The following AGBL1 variants were observed in gnomAD, a reference collection of about 807,000 sequenced individuals.
AGBL1 encodes the protein cytosolic carboxypeptidase 4.
A neutral mutation model predicts 118.9 loss-of-function variants in AGBL1; 130 were observed. That is an observed-to-expected ratio of 1.09 (90% confidence interval 0.95 to 1.26). The LOEUF is 1.26. AGBL1 is among the 50% of genes most tolerant of loss of function. The pLI is 0.00. For synonymous variants in AGBL1, 555 were observed against 478.9 expected (o/e 1.16, Z -2.08); for missense variants, 1,584 against 1,298.1 (o/e 1.22, Z -3.38).
rs930409650 is a variant in AGBL1 at position 86,365,060 on chromosome 15, C to T, written c.2375-32306C>T. On this transcript the variant is annotated intron_variant, in intron 17 of 22. Transcript: ENST00000614907. ...ATATATATACACACATATATATACA[C>T]ATATATATATACACACACACATATA... Among the ~76,000 whole-genome samples, 5 of 146,292 alleles carry T rather than the reference C, an allele frequency of 3.4e-5. 1 individual carries two copies. Among genetic ancestry groups the T allele is most frequent in the Admixed American group, 2.8e-4 (4 of 14,518 alleles).
At chr15:86,823,587 C>G (rs986475101) in intron 22 of AGBL1, among the ~76,000 whole-genome samples, 2 of 152,090 alleles carry the variant, frequency 1.3e-5, no homozygotes, top group East Asian at 3.9e-4. Flanking sequence ...CAATAATAAA[C>G]TAAAATAAAT....
intron 22 of AGBL1, among the ~76,000 whole-genome samples, chr15:86,783,524 C>A (rs919652819): frequency 6.6e-6 from 1 of 152,186 alleles, no homozygotes; most frequent in Admixed American, 6.5e-5. Context: ...TAGAGTGGTC[C>A]TGTCTCCAAG....
intron 22 of AGBL1, among the ~76,000 whole-genome samples, chr15:86,898,406 T>C (rs767030514): frequency 1.6e-4 from 24 of 152,188 alleles, no homozygotes; most frequent in Non-Finnish European, 2.1e-4. Flanking sequence ...GGGGTCCAGC[T>C]TCAATCTGCT....
intron 18 of AGBL1, among the ~76,000 whole-genome samples, chr15:86,398,216 T>A (rs933762475): frequency 6.6e-5 from 10 of 152,274 alleles, no homozygotes; most frequent in African/African-American, 2.4e-4. Context: ...CTCCTGTGCC[T>A]GGTGAGCTCT....
At chr15:86,449,409 T>C (rs939713959) in intron 18 of AGBL1, among the ~76,000 whole-genome samples, 40 of 152,216 alleles carry the variant, frequency 2.6e-4, no homozygotes, top group African/African-American at 9.4e-4. Context: ...CTTCAATTGG[T>C]AGAATGGGGT....
At chr15:86,686,335 TGAA>T (rs146647602) in intron 22 of AGBL1, among the ~76,000 whole-genome samples, 2,607 of 152,024 alleles carry the variant, frequency 0.017, 74 homozygotes, top group African/African-American at 0.059. Flanking sequence ...TGTTAGTGTG[TGAA>T]GAAATAGACA....
intron 1 of AGBL1, among the ~76,000 whole-genome samples, chr15:86,111,768 A>G (rs1480081020): frequency 6.6e-6 from 1 of 152,200 alleles, no homozygotes; most frequent in Non-Finnish European, 1.5e-5. Flanking sequence ...CCCGGGCCAC[A>G]GACTGGTAGG....
chr15:86,725,023 A>G (rs1225760661), intron 22 of AGBL1, among the ~76,000 whole-genome samples: 1 of 152,202 alleles, frequency 6.6e-6, no homozygotes, highest in Admixed American at 6.5e-5. Context: ...AAATGGCCGA[A>G]TACAGTGGTA....
At chr15:86,161,554 C>T (rs1684370448) in intron 5 of AGBL1, among the ~76,000 whole-genome samples, 1 of 152,180 alleles carries the variant, frequency 6.6e-6, no homozygotes, top group African/African-American at 2.4e-5. Context: ...CATTTTATTT[C>T]TACAACCATC....
At chr15:86,569,943 C>G (rs958146408) in intron 21 of AGBL1, among the ~76,000 whole-genome samples, 1 of 152,194 alleles carries the variant, frequency 6.6e-6, no homozygotes. Flanking sequence ...GATGGTTTAT[C>G]TCTGTAAATC....
At chr15:86,689,146 G>T (rs191371813) in intron 22 of AGBL1, among the ~76,000 whole-genome samples, 5 of 152,262 alleles carry the variant, frequency 3.3e-5, no homozygotes, top group African/African-American at 1.2e-4. Context: ...AGACGCATCA[G>T]TTCTAACTTA....
intron 17 of AGBL1, among the ~76,000 whole-genome samples, chr15:86,319,517 T>A (rs1263064254): frequency 6.6e-6 from 1 of 152,140 alleles, no homozygotes; most frequent in Non-Finnish European, 1.5e-5. Flanking sequence ...TTTGTCTTTC[T>A]CTCACATTAT....
intron 24 of AGBL1, among the ~76,000 whole-genome samples, chr15:87,014,503 T>A (rs923609368): frequency 2.6e-5 from 4 of 152,208 alleles, no homozygotes; most frequent in African/African-American, 9.6e-5. Context: ...AATTGGGCTT[T>A]AATAACTTGG....
intron 1 of AGBL1, among the ~76,000 whole-genome samples, chr15:86,088,977 C>G (rs1308187199): frequency 1.3e-5 from 2 of 152,152 alleles, no homozygotes; most frequent in Non-Finnish European, 2.9e-5. Context: ...CTGTCTGGTA[C>G]ATGGTAGGTG....
intron 18 of AGBL1, among the ~76,000 whole-genome samples, chr15:86,437,405 A>G (rs1048468927): frequency 7.9e-5 from 12 of 152,214 alleles, no homozygotes; most frequent in Non-Finnish European, 1.5e-4. Flanking sequence ...TCAGAGCTCC[A>G]TTATGTTACC....
At chr15:86,437,104 G>T (rs1007590238) in intron 18 of AGBL1, among the ~76,000 whole-genome samples, 1 of 151,934 alleles carries the variant, frequency 6.6e-6, no homozygotes, top group African/African-American at 2.4e-5. Context: ...CAGAGAGAGT[G>T]GTTTTTATAA....
intron 21 of AGBL1, among the ~76,000 whole-genome samples, chr15:86,602,686 A>G (rs2084515058): frequency 6.6e-6 from 1 of 152,188 alleles, no homozygotes; most frequent in Non-Finnish European, 1.5e-5. Flanking sequence ...GGTTGTTTCT[A>G]TTTTATAAAC....
intron 22 of AGBL1, among the ~76,000 whole-genome samples, chr15:86,857,186 T>A (rs889536393): frequency 2.6e-5 from 4 of 152,172 alleles, no homozygotes; most frequent in East Asian, 1.9e-4. Context: ...TATCTCCTAG[T>A]TGGATTCAGC....
At chr15:86,098,776 G>A (rs1036402325) in intron 1 of AGBL1, among the ~76,000 whole-genome samples, 3 of 151,984 alleles carry the variant, frequency 2.0e-5, no homozygotes, top group African/African-American at 7.2e-5. Flanking sequence ...TTTGTGCTTA[G>A]GATTGCTTTG....
Sources: allele counts gnomAD v4.1 joint callset (sites outside exome capture counted in the v4.1 genomes callset), GRCh38; gene constraint gnomAD v4.1.1; transcripts MANE v1.5; gene names NCBI Gene and HGNC (gene_info 2026-07-23, HGNC 2026-07-21).